UBA3: variants seen among roughly 807,000 people sequenced by gnomAD.
UBA3 encodes NEDD8-activating enzyme E1 catalytic subunit.
In UBA3, 26 loss-of-function variants were observed where a neutral mutation model predicts 73.5. That is an observed-to-expected ratio of 0.35 (90% CI 0.26 to 0.49). The LOEUF (loss-of-function observed/expected upper bound fraction) is 0.49. UBA3 is among the 20% of genes least tolerant of loss of function. UBA3 has a pLI of 0.98. For missense variants in UBA3, 495 were observed against 555.6 expected (o/e 0.89, Z 1.10); for synonymous variants, 217 against 191.2 (o/e 1.13, Z -1.11).
At chr3:69,077,276 G>T (rs1483767588) in intron 3 of UBA3, 1 of 151,892 alleles carries the variant, frequency 6.6e-6, no homozygotes, top group Non-Finnish European at 1.5e-5. Context: ...AGCACATAAA[G>T]ATGTGCTATA....
Position 69,055,368 on chromosome 3 carries a change from T to C in UBA3, c.*69A>G. ...GGCAACACTATTGCTAAAAATGACA[T>C]CGATTCAACTTCTTAGCATCCACAA... On this transcript the variant is annotated 3_prime_UTR_variant, in exon 18 of 18. Transcript: ENST00000361055. The C allele has an allele frequency of 9.8e-7, 1 of 1,020,938 alleles. No individual in the cohort carries two copies. The highest frequency in any genetic ancestry group is 1.4e-6 in the Non-Finnish European group (1 of 728,692). The allele number at this position is 1,020,938 out of a possible 1,614,324, so 63.2% of individuals were successfully genotyped here.
chr3:69,055,802 AAG>A, intron 17 of UBA3, 47 bp downstream of exon 17: 1 of 1,552,062 alleles, frequency 6.4e-7, no homozygotes, highest in Non-Finnish European at 8.8e-7. Flanking sequence ...TTTCACCAAA[AAG>A]AGAGAAAAGA....
chr3:69,058,120 T>C (rs181336114), intron 11 of UBA3, among the ~76,000 whole-genome samples: 145 of 152,024 alleles, frequency 9.5e-4, no homozygotes, highest in South Asian at 8.5e-3. Flanking sequence ...TTAGTAGAGA[T>C]GGGGTTTCAC....
In UBA3 at chr3:69,057,923, T is replaced by A. The variant is rs111351057; in HGVS notation, c.911-614A>T. Among the ~76,000 whole-genome samples, 372 of 100,754 alleles carry A rather than the reference T, an allele frequency of 3.7e-3. 1 individual carries two copies. The highest frequency in any genetic ancestry group is 0.013 in the African/African-American group (347 of 26,104). 66.1% of individuals were successfully genotyped at this position (100,754 alleles called of 152,430 possible). A position where few individuals can be genotyped will look rare whatever the true frequency, so the allele number is the denominator to read the frequency against. On this transcript the variant is annotated intron_variant, in intron 11 of 17. Coordinates refer to ENST00000361055, the MANE Select transcript of UBA3 (RefSeq NM_003968.4). ...GTTCTCTACTTCAACCCCACATTTT[T>A]CTTTTTTTTTTTTTTTTTTTGAGAC...
At chr3:69,074,323 G>T (rs2092146451) in intron 4 of UBA3, among the ~76,000 whole-genome samples, 1 of 152,022 alleles carries the variant, frequency 6.6e-6, no homozygotes, top group African/African-American at 2.4e-5. Context: ...CTGTCATTTT[G>T]GCATTCCACC....
intron 6 of UBA3, among the ~76,000 whole-genome samples, chr3:69,067,091 G>A (rs968844507): frequency 2.8e-4 from 42 of 152,070 alleles, no homozygotes; most frequent in African/African-American, 8.9e-4. Context: ...TTAGAAGATC[G>A]TCTATATCGA....
At chr3:69,068,105 C>A in intron 5 of UBA3, 97 bp from the exon 6 acceptor site, 1 of 804,720 alleles carries the variant, frequency 1.2e-6, no homozygotes, top group South Asian at 2.7e-5. Context: ...AGTAAGTTTA[C>A]TTATAGGAAA....
chr3:69,055,502 CTT>C lies in UBA3; in HGVS notation c.1325_1326del (p.Gln442ArgfsTer6). ...GTGGTGACATCAGCAACCGCCAGTT[CTT>C]GTCCATCAACAAGCCCCAATTCTAA... Reference protein sequence around the residue: ...TLKELGLVDGQELAVADVTTP... With the variant: ...TLKELGLVDGXELAVADVTTP... On this transcript the variant is annotated frameshift_variant, in exon 18 of 18. Transcript: ENST00000361055. LOFTEE classifies it high-confidence loss of function. The C allele has an allele frequency of 1.3e-6, 2 of 1,577,118 alleles. No homozygotes were observed. The highest frequency in any genetic ancestry group is 1.7e-6 in the Non-Finnish European group (2 of 1,170,140).
chr3:69,064,790 G>A (rs531481402), intron 6 of UBA3, among the ~76,000 whole-genome samples: 79 of 152,112 alleles, frequency 5.2e-4, no homozygotes, highest in South Asian at 2.3e-3. Context: ...GCACATGTGT[G>A]CAAAAACTTG....
Position 69,061,809 on chromosome 3 carries a change from C to T in UBA3, c.910+5G>A, listed in dbSNP as rs753406579. ...ATCATAATTCATGACAATTTGCTGA[C>T]TTACCTTGAGTGAGCCTATACGTAA... On this transcript the variant is annotated splice_donor_5th_base_variant and intron_variant, in intron 11 of 17. Transcript: ENST00000361055. 1.3e-6 allele frequency: 2 copies of T among 1,565,984 alleles called. No individual in the cohort carries two copies. Among genetic ancestry groups the T allele is most frequent in the South Asian group, 1.2e-5 (1 of 84,980 alleles).
intron 4 of UBA3, among the ~76,000 whole-genome samples, chr3:69,072,186 G>C (rs1187885695): frequency 6.6e-6 from 1 of 152,098 alleles, no homozygotes; most frequent in African/African-American, 2.4e-5. Flanking sequence ...AACCTGTTAG[G>C]TTTCCATAAT....
chr3:69,061,770 T>C, intron 11 of UBA3, 44 bp downstream of exon 11: 1 of 1,324,976 alleles, frequency 7.5e-7, no homozygotes, highest in South Asian at 1.3e-5. Context: ...ATCCCAGCCC[T>C]AAGTCATCCC....
chr3:69,080,232 G>T, intron 1 of UBA3, 79 bp from the exon 2 acceptor site: 1 of 1,485,126 alleles, frequency 6.7e-7, no homozygotes, highest in Non-Finnish European at 9.2e-7. Flanking sequence ...AGGGGACGGG[G>T]CGGGGGGTGT....
At chr3:69,075,730 CT>C (rs60272924) in intron 3 of UBA3, among the ~76,000 whole-genome samples, 16 of 149,598 alleles carry the variant, frequency 1.1e-4, no homozygotes, top group Admixed American at 2.7e-4. Flanking sequence ...GTTAATTTTT[CT>C]TTTTTTTTTC....
intron 17 of UBA3, 72 bp downstream of exon 17, chr3:69,055,779 A>T: frequency 7.0e-7 from 1 of 1,429,222 alleles, no homozygotes; most frequent in South Asian, 1.2e-5. Flanking sequence ...AATCTAGAAC[A>T]AGCACTGATT....
At chr3:69,077,633 C>G (rs2092179090) in intron 3 of UBA3, 165 bp downstream of exon 3, 8 of 733,874 alleles carry the variant, frequency 1.1e-5, no homozygotes, top group Non-Finnish European at 1.6e-5. Context: ...AATATTCAAA[C>G]AAAATCAGTT....
At chr3:69,063,801 A>C (rs2092043426) in intron 7 of UBA3, among the ~76,000 whole-genome samples, 1 of 152,216 alleles carries the variant, frequency 6.6e-6, no homozygotes, top group African/African-American at 2.4e-5. Flanking sequence ...AACCACAAGC[A>C]CTTTTTACTG....
In UBA3 at chr3:69,055,992, T is replaced by C. The variant is rs201460306; in HGVS notation, c.1248+8A>G. On this transcript the variant is annotated splice_region_variant and intron_variant, in intron 16 of 17. Coordinates refer to ENST00000361055, the MANE Select transcript of UBA3 (RefSeq NM_003968.4). ...TTCTGAAAAAAATTTAAAATACACA[T>C]TGATAACCTGTAAGTAAAGTGTTCT... 40 of 1,603,950 alleles carry C rather than the reference T, an allele frequency of 2.5e-5. No homozygotes were observed. In the South Asian group the frequency reaches 4.1e-4, roughly 16 times the overall value.
intron 5 of UBA3, among the ~76,000 whole-genome samples, chr3:69,068,990 A>C (rs916272925): frequency 6.6e-6 from 1 of 152,236 alleles, no homozygotes; most frequent in African/African-American, 2.4e-5. Context: ...CAATAACCAC[A>C]CATATAGATA....
Sources: allele counts gnomAD v4.1 joint callset (sites outside exome capture counted in the v4.1 genomes callset), GRCh38; gene constraint gnomAD v4.1.1; transcripts MANE v1.5; gene names NCBI Gene and HGNC (gene_info 2026-07-23, HGNC 2026-07-21).